The following PUDP variants were observed in gnomAD, a reference collection of about 807,000 sequenced individuals.
The protein encoded by PUDP is pseudouridine-5'-phosphatase.
A neutral mutation model predicts 9.4 loss-of-function variants in PUDP; 8 were observed. The ratio of observed to expected loss-of-function variants is 0.85; its 90% CI spans 0.50 to 1.53. The LOEUF is 1.53. Among genes scored for constraint, PUDP ranks in the 40% most tolerant of loss-of-function variants. The pLI is 0.00. For synonymous variants in PUDP, 99 were observed against 80.7 expected (o/e 1.23, Z -1.22); for missense variants, 188 against 189.7 (o/e 0.99, Z 0.05).
intron 3 of PUDP, among the ~76,000 whole-genome samples, chrX:6,975,445 G>A (rs1328662717): frequency 9.0e-6 from 1 of 111,030 alleles, no homozygotes; most frequent in African/African-American, 3.3e-5. Context: ...CTGCTTGTTA[G>A]TTTTTCTTCT....
intron 3 of PUDP, among the ~76,000 whole-genome samples, chrX:6,899,855 A>G (rs11095246): frequency 0.2 from 22,625 of 110,424 alleles, 1,931 homozygotes; most frequent in Non-Finnish European, 0.25. Flanking sequence ...AAAGTCCCCA[A>G]ATATGAATCC....
At chrX:7,077,676 C>T (rs750920432) in intron 2 of PUDP, among the ~76,000 whole-genome samples, 1 of 112,354 alleles carries the variant, frequency 8.9e-6, no homozygotes, top group African/African-American at 3.2e-5. Flanking sequence ...TTGAGCGATA[C>T]GTTTCCCAAA....
chrX:7,056,866 C>A (rs1025910441), intron 3 of PUDP, among the ~76,000 whole-genome samples: 3 of 112,351 alleles, frequency 2.7e-5, no homozygotes, highest in Non-Finnish European at 5.6e-5. Context: ...GAAGACAGAA[C>A]TCTTGAATAG....
At chrX:6,996,433 C>A (rs1225135879) in intron 1 of PUDP, among the ~76,000 whole-genome samples, 1 of 110,274 alleles carries the variant, frequency 9.1e-6, no homozygotes, top group Non-Finnish European at 1.9e-5. Context: ...CTTGTCAGGT[C>A]CCCTGTGCAC....
chrX:7,020,341 G>C (rs1482226436), intron 1 of PUDP, among the ~76,000 whole-genome samples: 1 of 105,039 alleles, frequency 9.5e-6, no homozygotes, highest in Admixed American at 1.0e-4. Context: ...CAGGTTGGCT[G>C]TAGTAATTAC....
intron 3 of PUDP, among the ~76,000 whole-genome samples, chrX:6,839,202 A>G (rs752608889): frequency 8.9e-6 from 1 of 111,783 alleles, no homozygotes; most frequent in East Asian, 2.8e-4. Flanking sequence ...GGCAATAAGT[A>G]GTAGGGAGTG....
intron 3 of PUDP, among the ~76,000 whole-genome samples, chrX:6,752,718 G>A (rs999398865): frequency 9.0e-6 from 1 of 110,701 alleles, no homozygotes; most frequent in Admixed American, 9.6e-5. Context: ...CCTAGATTCT[G>A]CCTGGATGAT....
intron 1 of PUDP, among the ~76,000 whole-genome samples, chrX:7,116,769 T>C (rs1422840798): frequency 8.9e-6 from 1 of 111,987 alleles, no homozygotes; most frequent in Non-Finnish European, 1.9e-5. Flanking sequence ...TAGCCCTCAA[T>C]GTTGGAGGCA....
intron 1 of PUDP, among the ~76,000 whole-genome samples, chrX:6,981,786 C>T (rs1229632867): frequency 2.7e-5 from 3 of 110,420 alleles, no homozygotes; most frequent in East Asian, 2.8e-4. Flanking sequence ...TAGAGTCAAT[C>T]GGAAAAAAGG....
At chrX:6,883,521 C>CAAA (rs753618830) in intron 3 of PUDP, among the ~76,000 whole-genome samples, 4,744 of 41,157 alleles carry the variant, frequency 0.12, 251 homozygotes, top group East Asian at 0.45. Context: ...GACCTTGTCT[C>CAAA]AAAAAAAAAA....
At position 7,079,906 on chromosome X, in the gene PUDP, T is replaced by TA. The variant is rs753489825; in HGVS notation, c.281-2458dup. ...CCTGAAAGAAAGAAGTTCAATGATT[T>TA]AAGCTTTTACCTTAAGAAAGTGAAG... On this transcript the variant is annotated intron_variant, in intron 2 of 3. Coordinates refer to ENST00000381077, the MANE Select transcript of PUDP (RefSeq NM_012080.5). Among the ~76,000 whole-genome samples the TA allele has an allele frequency of 2.5e-4, 28 of 112,244 alleles. No homozygotes were observed. In the East Asian group the frequency reaches 7.5e-3, roughly 30 times the overall value.
intron 1 of PUDP, among the ~76,000 whole-genome samples, chrX:6,717,511 A>C (rs1924613472): frequency 9.0e-6 from 1 of 111,480 alleles, no homozygotes; most frequent in Admixed American, 9.6e-5. Flanking sequence ...ACTTCCTACC[A>C]GACTCCTCCT....
At chrX:6,750,861 C>A (rs143640702) in intron 3 of PUDP, among the ~76,000 whole-genome samples, 2 of 111,560 alleles carry the variant, frequency 1.8e-5, no homozygotes, top group South Asian at 7.6e-4. Flanking sequence ...CAATTGCGGC[C>A]GGGCTTGGTG....
intron 1 of PUDP, among the ~76,000 whole-genome samples, chrX:6,980,037 G>C (rs1335458614): frequency 2.7e-5 from 3 of 110,064 alleles, no homozygotes; most frequent in Non-Finnish European, 5.7e-5. Context: ...TACCCGATAG[G>C]TAGTTTTTCT....
chrX:7,010,392 T>TGGATGCTGCACCACTGC (rs1316246783), intron 1 of PUDP, among the ~76,000 whole-genome samples: 6 of 112,055 alleles, frequency 5.4e-5, no homozygotes, highest in Non-Finnish European at 7.5e-5. Context: ...TGCACCACTG[T>TGGATGCTGCACCACTGC]GGATGCTGCA....
chrX:6,908,380 C>G (rs1037481008), intron 3 of PUDP, among the ~76,000 whole-genome samples: 3 of 112,259 alleles, frequency 2.7e-5, no homozygotes, highest in Admixed American at 1.9e-4. Flanking sequence ...TAAGAGCACC[C>G]TTAAGTTTGA....
At chrX:6,732,201 G>A (rs1308349832) in intron 3 of PUDP, among the ~76,000 whole-genome samples, 2 of 111,500 alleles carry the variant, frequency 1.8e-5, no homozygotes, top group Non-Finnish European at 3.8e-5. Flanking sequence ...TAGATGAAAG[G>A]CACCTTTCAG....
intron 3 of PUDP, among the ~76,000 whole-genome samples, chrX:6,914,279 G>A (rs7056573): frequency 0.34 from 37,661 of 110,253 alleles, 5,566 homozygotes; most frequent in African/African-American, 0.56. Flanking sequence ...AAGCTAAAGT[G>A]AGTTAAACAG....
chrX:6,934,617 A>G (rs1928264569), intron 3 of PUDP, among the ~76,000 whole-genome samples: 1 of 107,867 alleles, frequency 9.3e-6, no homozygotes, highest in Non-Finnish European at 1.9e-5. Flanking sequence ...GACAGGATCA[A>G]ATTCACACAT....
Sources: gnomAD v4.1 joint callset for allele counts (sites outside exome capture counted in the v4.1 genomes callset) on GRCh38, gnomAD v4.1.1 for gene constraint, MANE v1.5 for transcripts, NCBI Gene and HGNC (gene_info 2026-07-23, HGNC 2026-07-21) for gene names.